PATJ: variants seen among roughly 807,000 people sequenced by gnomAD.
PATJ encodes the protein inaD-like protein.
PATJ carries 190 observed loss-of-function variants against 224.9 expected under a neutral mutation model. The ratio of observed to expected loss-of-function variants is 0.84; its 90% CI spans 0.75 to 0.95. The LOEUF (loss-of-function observed/expected upper bound fraction) is 0.95, where lower values mean the gene tolerates loss of function less well. PATJ is among the 40% of genes least tolerant of loss of function. The pLI is 0.00. For synonymous variants in PATJ, 769 were observed against 820.3 expected (o/e 0.94, Z 1.07); for missense variants, 2,121 against 2,270.3 (o/e 0.93, Z 1.34).
At chr1:61,934,009 C>A (rs1382167797) in intron 27 of PATJ, among the ~76,000 whole-genome samples, 1 of 152,056 alleles carries the variant, frequency 6.6e-6, no homozygotes, top group Non-Finnish European at 1.5e-5. Context: ...AATCTCGGCT[C>A]ACTGCAACCT....
At chr1:61,744,639 TCA>T (rs1275967031) in intron 1 of PATJ, among the ~76,000 whole-genome samples, 4 of 152,204 alleles carry the variant, frequency 2.6e-5, no homozygotes, top group Admixed American at 6.6e-5. Context: ...TCCTCTGCTC[TCA>T]CACCACTACA....
At chr1:61,783,667 A>T (rs897255439) in intron 7 of PATJ, among the ~76,000 whole-genome samples, 17 of 150,906 alleles carry the variant, frequency 1.1e-4, no homozygotes, top group African/African-American at 2.5e-4. Flanking sequence ...TTTTTTTTTT[A>T]AATTATCATC....
chr1:62,016,610 A>C (rs1646782205), intron 28 of PATJ, among the ~76,000 whole-genome samples: 1 of 152,226 alleles, frequency 6.6e-6, no homozygotes. Flanking sequence ...ATCATAGTTT[A>C]TCAGTGGGAA....
chr1:61,838,889 G>A (rs1660644632), intron 17 of PATJ, among the ~76,000 whole-genome samples: 1 of 152,024 alleles, frequency 6.6e-6, no homozygotes, highest in Admixed American at 6.6e-5. Flanking sequence ...ACAATGTTAG[G>A]TAACATTTAC....
At chr1:61,933,898 C>T (rs1208664976) in intron 27 of PATJ, among the ~76,000 whole-genome samples, 2 of 152,066 alleles carry the variant, frequency 1.3e-5, no homozygotes, top group Non-Finnish European at 2.9e-5. Context: ...ATACATGAAT[C>T]TTTATTCCCA....
intron 1 of PATJ, among the ~76,000 whole-genome samples, chr1:61,758,935 G>A (rs962845904): frequency 3.9e-5 from 6 of 152,100 alleles, no homozygotes; most frequent in Non-Finnish European, 8.8e-5. Context: ...AATAGAAAAT[G>A]CCTGTGATTT....
chr1:61,961,965 G>A (rs1479515368), intron 27 of PATJ, among the ~76,000 whole-genome samples: 5 of 120,636 alleles, frequency 4.1e-5, no homozygotes, highest in Non-Finnish European at 6.8e-5. Context: ...ATGAAACTCC[G>A]TCTTAGAAAA....
chr1:61,852,119 TA>T (rs3030913), intron 17 of PATJ, among the ~76,000 whole-genome samples: 21,029 of 108,780 alleles, frequency 0.19, 1,710 homozygotes, highest in South Asian at 0.27. Flanking sequence ...GATTCTGTCT[TA>T]AAAAAAAAAA....
chr1:62,035,690 G>T (rs1263704525), intron 29 of PATJ, among the ~76,000 whole-genome samples: 1 of 151,410 alleles, frequency 6.6e-6, no homozygotes, highest in Admixed American at 6.6e-5. Context: ...AGTGTCATAG[G>T]GAGTAGGACG....
chr1:61,864,735 C>G (rs943266043), intron 20 of PATJ, 102 bp downstream of exon 20: 9 of 1,062,270 alleles, frequency 8.5e-6, no homozygotes, highest in Non-Finnish European at 1.2e-5. Context: ...TTTAAATGGG[C>G]CTTTCCGTAA....
At chr1:62,004,840 G>A (rs1363853244) in intron 28 of PATJ, among the ~76,000 whole-genome samples, 8 of 152,172 alleles carry the variant, frequency 5.3e-5, no homozygotes, top group African/African-American at 1.9e-4. Flanking sequence ...ACATTTAGTA[G>A]AGATACTCAC....
chr1:62,084,424 C>A, intron 32 of PATJ, 91 bp from the exon 33 acceptor site: 1 of 1,359,746 alleles, frequency 7.4e-7, no homozygotes, highest in South Asian at 1.5e-5. Flanking sequence ...GTGATAAACA[C>A]ATGCAAGCCC....
chr1:61,900,579 CTTTCTTTTCT>C (rs67723329), intron 23 of PATJ, among the ~76,000 whole-genome samples: 2 of 150,344 alleles, frequency 1.3e-5, no homozygotes, highest in Admixed American at 6.6e-5. Context: ...ACATATGTGG[CTTTCTTTTCT>C]TTTCTTTTCT....
intron 16 of PATJ, among the ~76,000 whole-genome samples, chr1:61,831,319 A>G (rs1659283859): frequency 6.6e-6 from 1 of 152,194 alleles, no homozygotes; most frequent in Admixed American, 6.5e-5. Flanking sequence ...CAACAAAAAC[A>G]AAAATTGACA....
chr1:61,983,290 AC>A (rs1283642398), intron 27 of PATJ, among the ~76,000 whole-genome samples: 11 of 152,046 alleles, frequency 7.2e-5, no homozygotes, highest in Admixed American at 7.2e-4. Context: ...TATATGTGTT[AC>A]AGAGTATTTG....
intron 25 of PATJ, 110 bp downstream of exon 25, chr1:61,908,592 A>C (rs1571232612): frequency 1.5e-6 from 1 of 686,570 alleles, no homozygotes; most frequent in African/African-American, 1.8e-5. Flanking sequence ...TTCCCAAACT[A>C]TATTTAAAGT....
At chr1:61,861,284 C>CTTTTTTTTTTTTTTTT in intron 18 of PATJ, among the ~76,000 whole-genome samples, 765 of 48,690 alleles carry the variant, frequency 0.016, 77 homozygotes, top group Non-Finnish European at 0.024. Context: ...TTCTTTCTTT[C>CTTTTTTTTTTTTTTTT]TTTTTTTTTT....
chr1:61,775,116 A>T, intron 6 of PATJ, 90 bp from the exon 7 acceptor site: 1 of 1,325,410 alleles, frequency 7.5e-7, no homozygotes, highest in South Asian at 1.6e-5. Flanking sequence ...ATTTGTTGCA[A>T]ATCTGTTACT....
At chr1:62,114,783 T>G (rs1664263573) in intron 35 of PATJ, 1 of 154,884 alleles carries the variant, frequency 6.5e-6, no homozygotes, top group Non-Finnish European at 1.4e-5. Flanking sequence ...ATGTACCTGT[T>G]GTCTCAGCTA....
Sources: gnomAD v4.1 joint callset for allele counts (sites outside exome capture counted in the v4.1 genomes callset) on GRCh38, gnomAD v4.1.1 for gene constraint, MANE v1.5 for transcripts, NCBI Gene and HGNC (gene_info 2026-07-23, HGNC 2026-07-21) for gene names.